The following CTNNA3 variants were observed in gnomAD, a reference collection of about 807,000 sequenced individuals.
CTNNA3 encodes the protein catenin alpha-3.
Under a neutral mutation model 95.7 loss-of-function variants are expected in CTNNA3, and 76 were observed. The observed-to-expected ratio is 0.79, with a 90% CI of 0.66 to 0.96. CTNNA3 has a LOEUF of 0.96. CTNNA3 is among the 40% of genes least tolerant of loss of function. The pLI, the probability that CTNNA3 is intolerant of heterozygous loss-of-function variation, is 0.00. For missense variants in CTNNA3, 1,191 were observed against 1,089.8 expected (o/e 1.09, Z -1.31); for synonymous variants, 431 against 374.4 (o/e 1.15, Z -1.74).
chr10:67,372,977 T>C (rs1187315623), intron 5 of CTNNA3, among the ~76,000 whole-genome samples: 4 of 151,910 alleles, frequency 2.6e-5, no homozygotes, highest in Non-Finnish European at 5.9e-5. Context: ...CTGAAGGAAG[T>C]ACTAAACATG....
intron 5 of CTNNA3, among the ~76,000 whole-genome samples, chr10:67,388,803 C>A (rs1237671921): frequency 1.3e-5 from 2 of 151,876 alleles, no homozygotes; most frequent in Admixed American, 1.3e-4. Context: ...TCATATCCAG[C>A]CAAACTAAGC....
intron 5 of CTNNA3, among the ~76,000 whole-genome samples, chr10:67,498,344 G>C (rs1312918861): frequency 6.6e-6 from 1 of 152,324 alleles, no homozygotes; most frequent in Admixed American, 6.5e-5. Flanking sequence ...CAGCCTTGTA[G>C]TATAGTTTGA....
chr10:67,737,226 A>G (rs901240659), intron 1 of CTNNA3, among the ~76,000 whole-genome samples: 4 of 152,250 alleles, frequency 2.6e-5, no homozygotes, highest in African/African-American at 9.6e-5. Flanking sequence ...CATGGAAATT[A>G]AATTACATGC....
intron 13 of CTNNA3, among the ~76,000 whole-genome samples, chr10:66,110,504 C>A (rs891511385): frequency 5.9e-5 from 9 of 152,112 alleles, no homozygotes; most frequent in South Asian, 2.1e-4. Flanking sequence ...CTCCCTCTCT[C>A]TATATATACA....
At chr10:67,692,044 AG>A (rs1414088921) in intron 1 of CTNNA3, among the ~76,000 whole-genome samples, 9 of 141,198 alleles carry the variant, frequency 6.4e-5, no homozygotes, top group Non-Finnish European at 6.2e-5. Context: ...CTGCCCGGCC[AG>A]CCGCCCCGTC....
At chr10:67,625,597 A>G (rs1838924548) in intron 2 of CTNNA3, among the ~76,000 whole-genome samples, 1 of 152,256 alleles carries the variant, frequency 6.6e-6, no homozygotes, top group South Asian at 2.1e-4. Flanking sequence ...GCTTGTCTTA[A>G]ACAGCTATCT....
rs529236753 is a variant in CTNNA3 at position 66,421,987 on chromosome 10, G to A, written c.1532-42635C>T. 8.1e-5 allele frequency among the ~76,000 whole-genome samples: 12 copies of A among 148,312 alleles called. No homozygotes were observed. The East Asian group carries it at 1.8e-3, about 22-fold the overall frequency. The stretch of plus-strand genomic sequence containing the variant: ...TGAATCCTGCTGATATCAATTCTTT[G>A]TAGAAATACCTTGGACATGGATTGT... On this transcript the variant is annotated intron_variant, in intron 11 of 17. Coordinates refer to ENST00000433211, the MANE Select transcript of CTNNA3 (RefSeq NM_013266.4).
rs1367910296 is a variant in CTNNA3, at chr10:66,431,753, G to A, written c.1532-52401C>T. Among the ~76,000 whole-genome samples the A allele has an allele frequency of 2.5e-5, 3 of 119,254 alleles. No individual in the cohort carries two copies. The East Asian group carries it at 8.4e-4, about 33-fold the overall frequency. The allele number at this position is 119,254 out of a possible 152,430, so 78.2% of individuals were successfully genotyped here. A position where few individuals can be genotyped will look rare whatever the true frequency, so the allele number is the denominator to read the frequency against. ...CACACACTAGGGCCTGTTGTGGGGT[G>A]GGGGGAGGGGGGAGGGATAGCATTA... is the stretch of plus-strand genomic sequence containing the variant. On this transcript the variant is annotated intron_variant, in intron 11 of 17. Transcript: ENST00000433211.
rs148581903 is a variant in CTNNA3 at position 66,566,433 on chromosome 10, T to A, written c.1375-45660A>T. On this transcript the variant is annotated intron_variant, in intron 10 of 17. Transcript: ENST00000433211. Reference sequence around the variant, plus strand: ...AACAGGAACATTTTGATGGTAAGTCTGTGCCCAGATTGAAATGCAGCTTAG... The same window carrying A: ...AACAGGAACATTTTGATGGTAAGTCAGTGCCCAGATTGAAATGCAGCTTAG... Among the ~76,000 whole-genome samples, 54 of 152,334 alleles carry A rather than the reference T, an allele frequency of 3.5e-4. No individual in the cohort carries two copies. In the East Asian group the frequency reaches 9.9e-3, roughly 28 times the overall value.
At chr10:66,189,639 C>CAT (rs978055342) in intron 13 of CTNNA3, among the ~76,000 whole-genome samples, 15 of 125,878 alleles carry the variant, frequency 1.2e-4, no homozygotes, top group South Asian at 4.8e-4. Flanking sequence ...CACACATATA[C>CAT]ATATATATAT....
intron 13 of CTNNA3, among the ~76,000 whole-genome samples, chr10:66,264,864 C>T (rs151199534): frequency 6.6e-6 from 1 of 151,954 alleles, no homozygotes; most frequent in South Asian, 2.1e-4. Context: ...CCCACAGGGA[C>T]AGGAACTGGG....
At chr10:67,303,487 A>G (rs1840412860) in intron 5 of CTNNA3, among the ~76,000 whole-genome samples, 1 of 152,246 alleles carries the variant, frequency 6.6e-6, no homozygotes, top group South Asian at 2.1e-4. Flanking sequence ...GAGATCCGGC[A>G]TGCAGGCCTA....
At chr10:67,035,057 A>G (rs937559846) in intron 7 of CTNNA3, among the ~76,000 whole-genome samples, 3 of 152,210 alleles carry the variant, frequency 2.0e-5, no homozygotes, top group Middle Eastern at 3.2e-3. Flanking sequence ...ACTGTATTTT[A>G]TGAATACTGA....
intron 13 of CTNNA3, among the ~76,000 whole-genome samples, chr10:66,178,528 G>A (rs2085865373): frequency 2.0e-5 from 3 of 147,092 alleles, no homozygotes; most frequent in Admixed American, 6.8e-5. Context: ...AAACTTGACA[G>A]CAGAAATATA....
chr10:66,735,886 G>T (rs1301241057), intron 9 of CTNNA3, among the ~76,000 whole-genome samples: 1 of 152,182 alleles, frequency 6.6e-6, no homozygotes, highest in Non-Finnish European at 1.5e-5. Flanking sequence ...AGGTAGAAAA[G>T]AAGTTGTGTC....
chr10:67,438,268 T>A (rs1467754027), intron 5 of CTNNA3, among the ~76,000 whole-genome samples: 2 of 152,036 alleles, frequency 1.3e-5, no homozygotes, highest in Non-Finnish European at 2.9e-5. Flanking sequence ...GCCAAAACTA[T>A]CAATAAAGTA....
At chr10:67,047,587 C>T (rs990720147) in intron 7 of CTNNA3, among the ~76,000 whole-genome samples, 2 of 152,216 alleles carry the variant, frequency 1.3e-5, no homozygotes, top group East Asian at 1.9e-4. Flanking sequence ...TTACCTTCAT[C>T]GTTTCAGGCT....
At chr10:67,224,246 C>T (rs1301230150) in intron 5 of CTNNA3, among the ~76,000 whole-genome samples, 10 of 152,154 alleles carry the variant, frequency 6.6e-5, no homozygotes, top group Admixed American at 5.9e-4. Flanking sequence ...AATATGTCCC[C>T]GTTTCCCCCA....
At chr10:66,046,707 A>G (rs2079836102) in intron 15 of CTNNA3, among the ~76,000 whole-genome samples, 2 of 152,240 alleles carry the variant, frequency 1.3e-5, no homozygotes, top group African/African-American at 4.8e-5. Flanking sequence ...ATAATAAGAT[A>G]GATAGGCTAT....
Sources: gnomAD v4.1 joint callset for allele counts (sites outside exome capture counted in the v4.1 genomes callset) on GRCh38, gnomAD v4.1.1 for gene constraint, MANE v1.5 for transcripts, NCBI Gene and HGNC (gene_info 2026-07-23, HGNC 2026-07-21) for gene names.